Variants in EPS8L2 observed in about 807,000 individuals in gnomAD.
EPS8L2 encodes the protein EPS8 signaling adaptor L2.
Under a neutral mutation model 99.4 loss-of-function variants are expected in EPS8L2, and 81 were observed. The ratio of observed to expected loss-of-function variants is 0.82; its 90% CI spans 0.68 to 0.98. The LOEUF (loss-of-function observed/expected upper bound fraction) is 0.98. Ranked by LOEUF, EPS8L2 falls within the 50% of genes least tolerant of loss-of-function variation. EPS8L2 has a pLI of 0.00. For synonymous variants in EPS8L2, 509 were observed against 407.3 expected (o/e 1.25, Z -3.01); for missense variants, 1,155 against 968.8 (o/e 1.19, Z -2.55).
At chr11:709,646 G>A (rs766212648) in intron 3 of EPS8L2, 38 bp downstream of exon 3, 5 of 1,605,348 alleles carry the variant, frequency 3.1e-6, no homozygotes, top group African/African-American at 1.3e-5. Flanking sequence ...CGTCACAGGG[G>A]AGAAATGGGC....
rs370007895 is a variant in EPS8L2, at chr11:713,538, C to T, written c.165+3052C>T. ...CTGGGACTACAGGCGCCCGCCACCA[C>T]GCCTGGCTAAATTTTTTTTTCTCTG... is the stretch of plus-strand genomic sequence containing the variant. On this transcript the variant is annotated intron_variant, in intron 4 of 20. Coordinates refer to ENST00000318562, the MANE Select transcript of EPS8L2 (RefSeq NM_022772.4). 1.6e-3 allele frequency among the ~76,000 whole-genome samples: 245 copies of T among 152,274 alleles called. 1 individual carries two copies. The highest frequency in any genetic ancestry group is 7.9e-3 in the South Asian group (38 of 4,824).
In EPS8L2 at chr11:715,158, C is replaced by T. The variant is rs150486478; in HGVS notation, c.165+4672C>T. The stretch of plus-strand genomic sequence containing the variant: ...TCGGGAGGCTGAGGCAGGAGAATGG[C>T]GTGAACCCCGGAGGCGGAGCTTGCA... On this transcript the variant is annotated intron_variant, in intron 4 of 20. Coordinates refer to ENST00000318562, the MANE Select transcript of EPS8L2 (RefSeq NM_022772.4). 1.5e-3 allele frequency among the ~76,000 whole-genome samples: 228 copies of T among 151,938 alleles called. 3 individuals carry two copies. Among genetic ancestry groups the T allele is most frequent in the African/African-American group, 5.0e-3 (206 of 41,390 alleles).
chr11:723,331 G>T lies in EPS8L2; in HGVS notation c.1432G>T (p.Val478Phe). ...CCCCCCGGGGGATGCCCTACCACCA[G>T]TCAGCTCCCCACATACTCACAGGTA... ...PTPPGDALPP[V>F]SSPHTHRGYQ... The change falls in exon 15 of 21, where the codon GTC becomes TTC. Residue 478 changes from valine (V) to phenylalanine (F), a missense_variant. Coordinates refer to ENST00000318562, the MANE Select transcript of EPS8L2 (RefSeq NM_022772.4). 6.3e-7 allele frequency: 1 copy of T among 1,581,696 alleles called. No individual in the cohort carries two copies. Among genetic ancestry groups the T allele is most frequent in the Non-Finnish European group, 8.6e-7 (1 of 1,160,630 alleles).
intron 4 of EPS8L2, among the ~76,000 whole-genome samples, chr11:718,963 C>T (rs946249966): frequency 1.5e-4 from 23 of 148,568 alleles, no homozygotes; most frequent in African/African-American, 5.7e-4. Flanking sequence ...CCACTGCGCC[C>T]GATCTTTTTT....
chr11:726,970 G>GA lies in EPS8L2; in HGVS notation c.2138dup (p.Asp714GlyfsTer57). On this transcript the variant is annotated frameshift_variant, in exon 21 of 21. Transcript: ENST00000318562. LOFTEE classifies it high-confidence loss of function. The stretch of plus-strand genomic sequence containing the variant: ...TCATTCCATGAATCAGAGGAGGGGG[G>GA]AGGACAGCTAGGCCCAGCTGCCTTG... 6.2e-7 allele frequency: 1 copy of GA among 1,612,940 alleles called. No homozygotes were observed.
chr11:720,017 C>T, intron 4 of EPS8L2, 45 bp from the exon 5 acceptor site: 1 of 1,565,774 alleles, frequency 6.4e-7, no homozygotes, highest in Non-Finnish European at 8.7e-7. Context: ...GGGCTTTCGA[C>T]ACAAGGAGGG....
intron 4 of EPS8L2, among the ~76,000 whole-genome samples, chr11:716,335 A>G (rs1300618290): frequency 6.6e-6 from 1 of 151,674 alleles, no homozygotes. Flanking sequence ...TTTTTAGTAG[A>G]GATAGGGTTT....
At position 726,952 on chromosome 11, in the gene EPS8L2, A is replaced by G. The variant is rs764376416; in HGVS notation, c.2119A>G (p.Met707Val). 6.2e-6 allele frequency: 10 copies of G among 1,613,322 alleles called. No homozygotes were observed. The highest frequency in any genetic ancestry group is 3.3e-5 in the Admixed American group (2 of 59,980). The change falls in exon 21 of 21, where the codon ATG becomes GTG. Residue 707 changes from methionine to valine, a missense_variant. Met to Val is a conservative substitution (Grantham distance 21, BLOSUM62 1). Transcript: ENST00000318562. ...LEELMNKFHS[M>V]NQRRGEDS ...AGAACTCATGAACAAGTTTCATTCCATGAATCAGAGGAGGGGGGAGGACAG... is the reference window on the plus strand; with the variant it reads ...AGAACTCATGAACAAGTTTCATTCCGTGAATCAGAGGAGGGGGGAGGACAG...
intron 17 of EPS8L2, 49 bp from the exon 18 acceptor site, chr11:726,049 G>A (rs1438900188): frequency 3.6e-6 from 5 of 1,382,104 alleles, no homozygotes; most frequent in Non-Finnish European, 5.0e-6. Flanking sequence ...GCAGGTGCTG[G>A]GAGGCGGGGG....
rs755955024 is a variant in EPS8L2, at chr11:713,717, TA to T, written c.165+3232del. On this transcript the variant is annotated intron_variant, in intron 4 of 20. Transcript: ENST00000318562. ...GCACCACCACACCCAGCTAATTTTT[TA>T]TATCTTTAGCAGAGATGGGGTTTCA... 2.0e-5 allele frequency among the ~76,000 whole-genome samples: 3 copies of T among 152,226 alleles called. No individual in the cohort carries two copies. The East Asian group carries it at 5.8e-4, about 29-fold the overall frequency.
At chr11:725,635 A>G (rs1239641408) in intron 16 of EPS8L2, 93 bp from the exon 17 acceptor site, 2 of 1,192,422 alleles carry the variant, frequency 1.7e-6, no homozygotes, top group African/African-American at 3.2e-5. Flanking sequence ...GGGAGACCCT[A>G]GGGCGCTCCC....
rs148141883 is a variant in EPS8L2, at chr11:712,878, C to T, written c.165+2392C>T. Reference sequence around the variant, plus strand: ...CCAGGGGAAGGCACAGAGCAGTGGCCGAGTTCACTTTAGTCCCCTCTTCCT... The same window carrying T: ...CCAGGGGAAGGCACAGAGCAGTGGCTGAGTTCACTTTAGTCCCCTCTTCCT... On this transcript the variant is annotated intron_variant, in intron 4 of 20. Transcript: ENST00000318562. Among the ~76,000 whole-genome samples, 94 of 152,352 alleles carry T rather than the reference C, an allele frequency of 6.2e-4. No individual in the cohort carries two copies. The East Asian group carries it at 0.016, about 26-fold the overall frequency.
Position 726,129 on chromosome 11 carries a change from C to G in EPS8L2, c.1712C>G (p.Pro571Arg). The stretch of plus-strand genomic sequence containing the variant: ...CAGAAGTACTGGGGCCCCGCCAGCC[C>G]GACCCACAAGCTACCCCCAAGCTTC... ...AGQKYWGPAS[P>R]THKLPPSFPG... Residue 571 changes from proline (P) to arginine (R), a missense_variant, in exon 18 of 21, where the codon CCG (proline) becomes CGG (arginine). Transcript: ENST00000318562. 1 of 1,608,252 alleles carries G rather than the reference C, an allele frequency of 6.2e-7. No individual in the cohort carries two copies. Among genetic ancestry groups the G allele is most frequent in the Non-Finnish European group, 8.5e-7 (1 of 1,177,816 alleles).
rs569407498 is a variant in EPS8L2 at position 725,152 on chromosome 11, G to A, written c.1560+323G>A. Among the ~76,000 whole-genome samples, 76 of 152,296 alleles carry A rather than the reference G, an allele frequency of 5.0e-4. No homozygotes were observed. The East Asian group carries it at 8.9e-3, about 18-fold the overall frequency. ...AGGAGCCCCCACATCTGCACTGGCC[G>A]CATCTGCCAGCCGGAATCCAGGCCA... On this transcript the variant is annotated intron_variant, in intron 16 of 20. Transcript: ENST00000318562.
At position 722,744 on chromosome 11, in the gene EPS8L2, T is replaced by G. The variant is rs753165091; in HGVS notation, c.1280T>G (p.Val427Gly). 5.0e-6 allele frequency: 8 copies of G among 1,605,754 alleles called. No individual in the cohort carries two copies. Among genetic ancestry groups the G allele is most frequent in the Non-Finnish European group, 6.8e-6 (8 of 1,177,156 alleles). The change falls in exon 14 of 21, where the codon GTG becomes GGG. Residue 427 changes from valine (V) to glycine (G), a missense_variant. Val to Gly is a moderately radical substitution (Grantham distance 109). Coordinates refer to ENST00000318562, the MANE Select transcript of EPS8L2 (RefSeq NM_022772.4). ...PKFHSGWEPP[V>G]DVLQEAPWEV... Reference sequence around the variant, plus strand: ...TTCCACAGCGGCTGGGAGCCTCCTGTGGATGTGCTGCAGGAGGCCCCCTGG... The same window carrying G: ...TTCCACAGCGGCTGGGAGCCTCCTGGGGATGTGCTGCAGGAGGCCCCCTGG...
intron 14 of EPS8L2, 104 bp downstream of exon 14, chr11:722,909 C>A (rs538754967): frequency 8.0e-5 from 56 of 701,700 alleles, no homozygotes; most frequent in East Asian, 2.0e-4. Flanking sequence ...AGCTCCCCCC[C>A]CAGCCCTGAC....
intron 4 of EPS8L2, among the ~76,000 whole-genome samples, chr11:717,687 T>C (rs945273526): frequency 1.3e-5 from 2 of 152,056 alleles, no homozygotes; most frequent in African/African-American, 4.8e-5. Context: ...AAGACCAGCC[T>C]GGGCAACATA....
intron 20 of EPS8L2, 36 bp from the exon 21 acceptor site, chr11:726,865 C>A (rs1862345334): frequency 6.2e-7 from 1 of 1,601,288 alleles, no homozygotes; most frequent in Non-Finnish European, 8.5e-7. Context: ...ACACGTGGGA[C>A]CCCCGGCTGA....
chr11:722,576 G>A, intron 13 of EPS8L2, 27 bp downstream of exon 13: 1 of 1,611,946 alleles, frequency 6.2e-7, no homozygotes. Context: ...CAGTGCCGGG[G>A]CTTCATGGGG....
Sources: allele counts gnomAD v4.1 joint callset (sites outside exome capture counted in the v4.1 genomes callset), GRCh38; gene constraint gnomAD v4.1.1; transcripts MANE v1.5; gene names NCBI Gene and HGNC (gene_info 2026-07-23, HGNC 2026-07-21).